The following CARD8 variants were observed in gnomAD, a reference collection of about 807,000 sequenced individuals.
The protein encoded by CARD8 is caspase recruitment domain-containing protein 8.
In CARD8, 38 loss-of-function variants were observed where a neutral mutation model predicts 53.2. The ratio of observed to expected loss-of-function variants is 0.71; its 90% CI spans 0.55 to 0.94. CARD8 has a LOEUF of 0.94. Among genes scored for constraint, CARD8 ranks in the 40% least tolerant of loss-of-function variants. The probability of loss-of-function intolerance (pLI) is 0.00; values close to 1 mark genes in which losing one functional copy is unlikely to be tolerated. For missense variants in CARD8, 561 were observed against 655.5 expected, an observed-to-expected ratio of 0.86 and a Z score of 1.57; for synonymous variants, 245 against 244.9, an observed-to-expected ratio of 1.00 and a Z score of 0.00.
At chr19:48,244,208 G>A (rs1249240667) in intron 3 of CARD8, among the ~76,000 whole-genome samples, 1 of 151,976 alleles carries the variant, frequency 6.6e-6, no homozygotes, top group Non-Finnish European at 1.5e-5. Context: ...GGCAAGAATT[G>A]TAAAATTCTA....
At chr19:48,204,230 T>C (rs773381655), downstream of CARD8, 3 of 455,082 alleles carry the variant, frequency 6.6e-6, no homozygotes, top group South Asian at 3.1e-5. Flanking sequence ...AAGGTTGGCG[T>C]TGCCACAGTA....
chr19:48,213,480 T>A (rs2038480598), intron 13 of CARD8, among the ~76,000 whole-genome samples: 1 of 152,168 alleles, frequency 6.6e-6, no homozygotes, highest in Non-Finnish European at 1.5e-5. Flanking sequence ...TTCAAGCGAT[T>A]CTCCTGCCTC....
In CARD8 at chr19:48,249,746, C is replaced by T. The variant is rs911694403; in HGVS notation, c.-155+5G>A. On this transcript the variant is annotated splice_donor_5th_base_variant and intron_variant, in intron 2 of 13. Coordinates refer to ENST00000651546, the MANE Select transcript of CARD8 (RefSeq NM_001184900.3). ...CACCACCTGCTGCGTTTCTGCAGCG[C>T]TTACCATGTGAGTTTCAGGAGCCCC... 3 of 152,516 alleles carry T rather than the reference C, an allele frequency of 2.0e-5. No individual in the cohort carries two copies. Among genetic ancestry groups the T allele is most frequent in the African/African-American group, 4.8e-5 (2 of 41,456 alleles). 9.4% of individuals were successfully genotyped at this position (152,516 alleles called of 1,614,324 possible). A position where few individuals can be genotyped will look rare whatever the true frequency, so the allele number is the denominator to read the frequency against.
At position 48,249,570 on chromosome 19, in the gene CARD8, G is replaced by C. The variant is rs2046673418; in HGVS notation, c.-91C>G. 6.6e-6 allele frequency: 1 copy of C among 152,312 alleles called. No individual in the cohort carries two copies. The highest frequency in any genetic ancestry group is 6.5e-5 in the Admixed American group (1 of 15,280). The allele number at this position is 152,312 out of a possible 1,614,324, so 9.4% of individuals were successfully genotyped here. On this transcript the variant is annotated 5_prime_UTR_variant, in exon 3 of 14. Transcript: ENST00000651546. ...GCACTAACCGCGTTTACCGCCCACA[G>C]CCATCATGGCGACCGGAAGTCCTGA...
At position 48,245,838 on chromosome 19, in the gene CARD8, T is replaced by C. The variant is rs1479920128; in HGVS notation, c.-44+3685A>G. ...ATATATACATTTATTGTATTATATA[T>C]AAATAATTGCATATCTACATTTAAT... On this transcript the variant is annotated intron_variant, in intron 3 of 13. Transcript: ENST00000651546. Among the ~76,000 whole-genome samples, 22 of 148,464 alleles carry C rather than the reference T, an allele frequency of 1.5e-4. No homozygotes were observed. The South Asian group carries it at 2.5e-3, about 17-fold the overall frequency.
intron 3 of CARD8, among the ~76,000 whole-genome samples, chr19:48,245,859 TTAATA>T (rs752831595): frequency 1.0e-3 from 154 of 148,568 alleles, no homozygotes; most frequent in Non-Finnish European, 1.9e-3. Context: ...ATATCTACAT[TTAATA>T]TATTATATAT....
At chr19:48,239,426 C>T (rs1351442001) in intron 4 of CARD8, among the ~76,000 whole-genome samples, 1 of 151,672 alleles carries the variant, frequency 6.6e-6, no homozygotes, top group Non-Finnish European at 1.5e-5. Context: ...CGTCCTAGTC[C>T]GTGGTCTTTT....
rs1025627387 is a variant in CARD8, at chr19:48,209,352, A to G, written c.*2358T>C. 2.0e-5 allele frequency: 3 copies of G among 152,170 alleles called. No homozygotes were observed. The highest frequency in any genetic ancestry group is 1.3e-4 in the Admixed American group (2 of 15,268). 9.4% of individuals were successfully genotyped at this position (152,170 alleles called of 1,614,324 possible). ...TGACACATTTGCAGGAAAATAGAAT[A>G]TAAGGCAAGAAATTTAAAATATAGA... On this transcript the variant is annotated 3_prime_UTR_variant, in exon 14 of 14. Coordinates refer to ENST00000651546, the MANE Select transcript of CARD8 (RefSeq NM_001184900.3).
At position 48,210,578 on chromosome 19, in the gene CARD8, A is replaced by G. The variant is rs1378869716; in HGVS notation, c.*1132T>C. The G allele has an allele frequency of 1.3e-5, 2 of 152,202 alleles. No individual in the cohort carries two copies. Among genetic ancestry groups the G allele is most frequent in the African/African-American group, 4.8e-5 (2 of 41,466 alleles). The allele number at this position is 152,202 out of a possible 1,614,324, so 9.4% of individuals were successfully genotyped here. A position where few individuals can be genotyped will look rare whatever the true frequency, so the allele number is the denominator to read the frequency against. ...ATCCTAGATGAGAAAAGGTAATAGG[A>G]TCTAAATGGTGATAAAGTGCCTAGA... On this transcript the variant is annotated 3_prime_UTR_variant, in exon 14 of 14. Transcript: ENST00000651546.
At chr19:48,220,987 AAGGAAG>A (rs1568696790) in intron 11 of CARD8, among the ~76,000 whole-genome samples, 7 of 101,192 alleles carry the variant, frequency 6.9e-5, no homozygotes, top group African/African-American at 2.7e-4. Flanking sequence ...GGAAGGAAGG[AAGGAAG>A]GAAAGAAAGA....
At chr19:48,220,988 AG>A (rs2040453956) in intron 11 of CARD8, among the ~76,000 whole-genome samples, 1 of 101,314 alleles carries the variant, frequency 9.9e-6, no homozygotes, top group Non-Finnish European at 2.1e-5. Flanking sequence ...GAAGGAAGGA[AG>A]GAAGGAAAGA....
chr19:48,251,720 A>T (rs2046963176), intron 1 of CARD8, among the ~76,000 whole-genome samples: 1 of 152,170 alleles, frequency 6.6e-6, no homozygotes, highest in Non-Finnish European at 1.5e-5. Context: ...TTTGGCATAC[A>T]TCCGTGATCT....
At chr19:48,213,302 A>G (rs10406657) in intron 13 of CARD8, 130,962 of 152,038 alleles carry the variant, frequency 0.86, 56,589 homozygotes, top group South Asian at 0.91. Flanking sequence ...AGGAGTTCCA[A>G]ACCTGGATTT....
intron 3 of CARD8, among the ~76,000 whole-genome samples, chr19:48,241,907 G>A (rs531851995): frequency 1.3e-5 from 2 of 151,990 alleles, no homozygotes; most frequent in Admixed American, 6.6e-5. Context: ...ATATAGTAAT[G>A]AAGTTGTACA....
At chr19:48,254,662 A>G (rs1438740986) in intron 1 of CARD8, among the ~76,000 whole-genome samples, 3 of 152,126 alleles carry the variant, frequency 2.0e-5, no homozygotes, top group African/African-American at 7.2e-5. Flanking sequence ...CTGAGGCAGG[A>G]GAGTGCTTTC....
intron 1 of CARD8, among the ~76,000 whole-genome samples, chr19:48,253,441 C>T (rs1038600834): frequency 5.9e-5 from 9 of 152,034 alleles, no homozygotes; most frequent in Admixed American, 5.9e-4. Flanking sequence ...GGGCCACTTC[C>T]CCACCCCTCA....
chr19:48,216,243 G>A lies in CARD8; in HGVS notation c.1304-859C>T, dbSNP rs571024221. The stretch of plus-strand genomic sequence containing the variant: ...TGTTTACAGAGAAATGGAGAGTGTG[G>A]TGGCATTTGCTTACTCAAAATATGT... On this transcript the variant is annotated intron_variant, in intron 12 of 13. Coordinates refer to ENST00000651546, the MANE Select transcript of CARD8 (RefSeq NM_001184900.3). 7.9e-5 allele frequency among the ~76,000 whole-genome samples: 12 copies of A among 152,236 alleles called. No homozygotes were observed. The South Asian group carries it at 1.9e-3, about 24-fold the overall frequency.
chr19:48,218,367 TTTTTTTTC>T (rs1312915669), intron 12 of CARD8, among the ~76,000 whole-genome samples: 2 of 55,730 alleles, frequency 3.6e-5, no homozygotes, highest in Non-Finnish European at 1.3e-4. Context: ...TTTTTTTTTT[TTTTTTTTC>T]AGATGGAGTT....
At chr19:48,214,453 T>C (rs985074382) in intron 13 of CARD8, among the ~76,000 whole-genome samples, 1 of 152,160 alleles carries the variant, frequency 6.6e-6, no homozygotes, top group African/African-American at 2.4e-5. Context: ...AGAATGTGCA[T>C]TAAGAGCAGA....
Sources: allele counts gnomAD v4.1 joint callset (sites outside exome capture counted in the v4.1 genomes callset), GRCh38; gene constraint gnomAD v4.1.1; transcripts MANE v1.5; gene names NCBI Gene and HGNC (gene_info 2026-07-23, HGNC 2026-07-21).